Variants in PRKN observed in about 807,000 individuals in gnomAD.
PRKN encodes the protein E3 ubiquitin-protein ligase parkin.
PRKN carries 56 observed loss-of-function variants against 59.5 expected under a neutral mutation model. The observed-to-expected ratio is 0.94, with a 90% CI of 0.76 to 1.18. The LOEUF (loss-of-function observed/expected upper bound fraction) is 1.18, where lower values mean the gene tolerates loss of function less well. Among genes scored for constraint, PRKN ranks in the 50% most tolerant of loss-of-function variants. The pLI, the probability that PRKN is intolerant of heterozygous loss-of-function variation, is 0.00. For synonymous variants in PRKN, 250 were observed against 222.1 expected (o/e 1.13, Z -1.12); for missense variants, 657 against 596.4 (o/e 1.10, Z -1.06).
chr6:162,206,906 T>C (rs982966055), intron 3 of PRKN, among the ~76,000 whole-genome samples: 2 of 152,204 alleles, frequency 1.3e-5, no homozygotes, highest in African/African-American at 4.8e-5. Flanking sequence ...CAAGCGCTTC[T>C]TTACACATTA....
At chr6:162,338,621 G>T (rs1320320963) in intron 2 of PRKN, among the ~76,000 whole-genome samples, 1 of 151,934 alleles carries the variant, frequency 6.6e-6, no homozygotes. Context: ...CCTCCCAGCC[G>T]CCTGCCTTGG....
At chr6:162,338,038 G>C (rs937713213) in intron 2 of PRKN, among the ~76,000 whole-genome samples, 1 of 152,048 alleles carries the variant, frequency 6.6e-6, no homozygotes, top group Non-Finnish European at 1.5e-5. Flanking sequence ...CGATAAGTTT[G>C]GAACATGCAT....
intron 6 of PRKN, among the ~76,000 whole-genome samples, chr6:161,955,313 C>T (rs892499404): frequency 1.3e-5 from 2 of 152,048 alleles, no homozygotes; most frequent in African/African-American, 4.8e-5. Context: ...CAAAGGTCCC[C>T]ATTGGGAAAA....
rs968433874 is a variant in PRKN, at chr6:162,441,632, C to T, written c.171+1678G>A. Among the ~76,000 whole-genome samples, 7 of 152,106 alleles carry T rather than the reference C, an allele frequency of 4.6e-5. No individual in the cohort carries two copies. The South Asian group carries it at 8.3e-4, about 18-fold the overall frequency. On this transcript the variant is annotated intron_variant, in intron 2 of 11. Transcript: ENST00000366898. ...ATATGGTTCAATCTAATATTTCTCT[C>T]GGTTTTAGGGCTCATAAATAAAGAG... is the stretch of plus-strand genomic sequence containing the variant.
At chr6:161,862,708 T>G (rs980884600) in intron 6 of PRKN, among the ~76,000 whole-genome samples, 5 of 152,094 alleles carry the variant, frequency 3.3e-5, no homozygotes, top group Non-Finnish European at 7.4e-5. Flanking sequence ...GTTTGTCCCT[T>G]AGAATCAAAG....
At chr6:162,194,174 A>C in intron 4 of PRKN, among the ~76,000 whole-genome samples, 1 of 152,236 alleles carries the variant, frequency 6.6e-6, no homozygotes, top group South Asian at 2.1e-4. Flanking sequence ...TTAAAGAAGA[A>C]AACGTTCTTA....
Position 161,801,742 on chromosome 6 carries a change from G to A in PRKN, c.735-15834C>T, listed in dbSNP as rs554398943. ...CTTCCCCACAGTCAAGACCAGGACCGGCTCCAGCTGCTTCAGATGTGAGGC... is the reference window on the plus strand; with the variant it reads ...CTTCCCCACAGTCAAGACCAGGACCAGCTCCAGCTGCTTCAGATGTGAGGC... On this transcript the variant is annotated intron_variant, in intron 6 of 11. Coordinates refer to ENST00000366898, the MANE Select transcript of PRKN (RefSeq NM_004562.3). Among the ~76,000 whole-genome samples, 25 of 152,242 alleles carry A rather than the reference G, an allele frequency of 1.6e-4. 1 individual carries two copies. The South Asian group carries it at 4.1e-3, about 25-fold the overall frequency.
chr6:161,951,960 C>A (rs935955312), intron 6 of PRKN, among the ~76,000 whole-genome samples: 5 of 151,678 alleles, frequency 3.3e-5, no homozygotes, highest in African/African-American at 1.2e-4. Flanking sequence ...TAAATGTTGG[C>A]ACCTCTCCAA....
intron 1 of PRKN, among the ~76,000 whole-genome samples, chr6:162,485,860 C>G (rs1792513717): frequency 6.6e-6 from 1 of 152,172 alleles, no homozygotes; most frequent in African/African-American, 2.4e-5. Flanking sequence ...TTCAGTCTGG[C>G]TGGAGAACCT....
chr6:161,462,302 C>G lies in PRKN; in HGVS notation c.1084-75425G>C, dbSNP rs191237441. ...ACAGCATGCTTTTATTCTGAATCAC[C>G]TGAACTTCCAGCTATCTGTGGTTTA... On this transcript the variant is annotated intron_variant, in intron 9 of 11. Transcript: ENST00000366898. This position sits in a 1 kb window ranked among gnomAD's most constrained non-coding sequence, Gnocchi z 4.5. Among the ~76,000 whole-genome samples, 1 of 152,252 alleles carries G rather than the reference C, an allele frequency of 6.6e-6. No homozygotes were observed. The highest frequency in any genetic ancestry group is 2.4e-5 in the African/African-American group (1 of 41,536).
intron 2 of PRKN, among the ~76,000 whole-genome samples, chr6:162,437,410 A>G (rs1789830994): frequency 6.6e-6 from 1 of 152,168 alleles, no homozygotes; most frequent in South Asian, 2.1e-4. Context: ...CAGTTGTAAG[A>G]GATAGCAGAG....
At chr6:161,479,841 T>C (rs924275206) in intron 9 of PRKN, among the ~76,000 whole-genome samples, 2 of 152,174 alleles carry the variant, frequency 1.3e-5, no homozygotes, top group African/African-American at 2.4e-5. Context: ...GTCTCCAACT[T>C]CCCTAGCCTC....
rs1785821708 is a variant in PRKN, at chr6:161,378,452, CAACT to C, written c.1167+8338_1167+8341del. On this transcript the variant is annotated intron_variant, in intron 10 of 11. Transcript: ENST00000366898. The surrounding 1 kb of genome is among the most constrained non-coding windows in gnomAD (Gnocchi z 7.3). The stretch of plus-strand genomic sequence containing the variant: ...TGTGTCCTCCACTCCTCGAGGAGAC[CAACT>C]AACTGGCCAGTGGGTGTCAGGTGGA... 6.6e-6 allele frequency among the ~76,000 whole-genome samples: 1 copy of C among 152,160 alleles called. No homozygotes were observed. The highest frequency in any genetic ancestry group is 2.4e-5 in the African/African-American group (1 of 41,436).
rs1784605196 is a variant in PRKN, at chr6:161,352,766, T to C, written c.1286-2555A>G. On this transcript the variant is annotated intron_variant, in intron 11 of 11. Transcript: ENST00000366898. The surrounding 1 kb of genome is among the most constrained non-coding windows in gnomAD (Gnocchi z 5.8). The stretch of plus-strand genomic sequence containing the variant: ...GTGTGTGTGTGTGTGTATATATATA[T>C]ATATATTTTATTTTATTTTATTTTA... Among the ~76,000 whole-genome samples the C allele has an allele frequency of 6.8e-6, 1 of 146,872 alleles. No individual in the cohort carries two copies. Among genetic ancestry groups the C allele is most frequent in the Non-Finnish European group, 1.5e-5 (1 of 67,054 alleles).
rs116070798 is a variant in PRKN, at chr6:161,501,668, C to T, written c.1083+47186G>A. ...GGTTGTTTGACTTGTCTGCCATCTGCAACTGTCTCTCTTCTGCTTTGTACT... is the reference window on the plus strand; with the variant it reads ...GGTTGTTTGACTTGTCTGCCATCTGTAACTGTCTCTCTTCTGCTTTGTACT... On this transcript the variant is annotated intron_variant, in intron 9 of 11. Coordinates refer to ENST00000366898, the MANE Select transcript of PRKN (RefSeq NM_004562.3). Among the ~76,000 whole-genome samples the T allele has an allele frequency of 3.1e-3, 476 of 152,262 alleles. 4 individuals carry two copies. The highest frequency in any genetic ancestry group is 0.011 in the African/African-American group (455 of 41,550).
chr6:161,739,323 G>A (rs767412845), intron 7 of PRKN, among the ~76,000 whole-genome samples: 8 of 152,054 alleles, frequency 5.3e-5, no homozygotes, highest in African/African-American at 9.7e-5. Flanking sequence ...TGGGAGAATC[G>A]CTGGAACCTG....
rs758661420 is a variant in PRKN at position 162,443,463 on chromosome 6, C to G, written c.18G>C (p.Arg6Ser). 1 of 1,614,016 alleles carries G rather than the reference C, an allele frequency of 6.2e-7. No homozygotes were observed. Among genetic ancestry groups the G allele is most frequent in the Admixed American group, 1.7e-5 (1 of 60,014 alleles). MIVFV[R>S]FNSSHGFPVE... ...CTGGGAAACCATGGCTGGAGTTGAACCTGACAAACACTGACCAAGGAAATT... is the reference window on the plus strand; with the variant it reads ...CTGGGAAACCATGGCTGGAGTTGAAGCTGACAAACACTGACCAAGGAAATT... The change falls in exon 2 of 12, where the codon AGG becomes AGC. Residue 6 changes from arginine (R) to serine (S), a missense_variant. Transcript: ENST00000366898.
rs1196603268 is a variant in PRKN at position 161,373,427 on chromosome 6, G to A, written c.1168-13222C>T. ...TGTCTTGGATTCCTCAGACACGGGT[G>A]GGAACACCTAGTCCTTGCTGAAAGA... is the stretch of plus-strand genomic sequence containing the variant. On this transcript the variant is annotated intron_variant, in intron 10 of 11. Transcript: ENST00000366898. This position sits in a 1 kb window ranked among gnomAD's most constrained non-coding sequence, Gnocchi z 4.8. Among the ~76,000 whole-genome samples, 4 of 152,062 alleles carry A rather than the reference G, an allele frequency of 2.6e-5. No individual in the cohort carries two copies. The highest frequency in any genetic ancestry group is 9.7e-5 in the African/African-American group (4 of 41,406).
chr6:162,297,968 G>A (rs1781757243), intron 2 of PRKN, among the ~76,000 whole-genome samples: 1 of 152,106 alleles, frequency 6.6e-6, no homozygotes, highest in Non-Finnish European at 1.5e-5. Flanking sequence ...ATAGCTGTGG[G>A]TGCTAGAAGT....
Sources: gnomAD v4.1 joint callset for allele counts (sites outside exome capture counted in the v4.1 genomes callset) on GRCh38, gnomAD v4.1.1 for gene constraint, Gnocchi (gnomAD v3.1) non-coding constraint, MANE v1.5 for transcripts, NCBI Gene and HGNC (gene_info 2026-07-23, HGNC 2026-07-21) for gene names.